GRIK1: variants seen among roughly 807,000 people sequenced by gnomAD.
GRIK1 encodes the protein glutamate receptor ionotropic, kainate 1.
GRIK1 carries 69 observed loss-of-function variants against 105.7 expected under a neutral mutation model. The ratio of observed to expected loss-of-function variants is 0.65; its 90% CI spans 0.54 to 0.80. The LOEUF (loss-of-function observed/expected upper bound fraction) is 0.80. Ranked by LOEUF, GRIK1 falls within the 30% of genes least tolerant of loss-of-function variation. The probability of loss-of-function intolerance (pLI) is 0.00; values close to 1 mark genes in which losing one functional copy is unlikely to be tolerated. For synonymous variants in GRIK1, 438 were observed against 431.3 expected, an observed-to-expected ratio of 1.02 and a Z score of -0.19; for missense variants, 1,109 against 1,167.3, an observed-to-expected ratio of 0.95 and a Z score of 0.73.
At position 29,544,994 on chromosome 21, in the gene GRIK1, C is replaced by T. The variant is rs140116998; in HGVS notation, c.2608-7110G>A. Among the ~76,000 whole-genome samples the T allele has an allele frequency of 2.6e-3, 403 of 152,354 alleles. 3 individuals carry two copies. The highest frequency in any genetic ancestry group is 0.021 in the East Asian group (111 of 5,182). On this transcript the variant is annotated intron_variant, in intron 16 of 17. Coordinates refer to ENST00000327783, the MANE Select transcript of GRIK1 (RefSeq NM_001330994.2). Reference sequence around the variant, plus strand: ...ACCATAGCCCAGTCTCTGTCTCAGGCATTCAGAAGAGGCAGTTAATGGAGC... The same window carrying T: ...ACCATAGCCCAGTCTCTGTCTCAGGTATTCAGAAGAGGCAGTTAATGGAGC...
At chr21:29,879,479 G>T (rs112661152) in intron 1 of GRIK1, among the ~76,000 whole-genome samples, 101 of 152,088 alleles carry the variant, frequency 6.6e-4, no homozygotes, top group African/African-American at 2.0e-3. Context: ...TAGATAGCTA[G>T]GTATGCATTT....
At chr21:29,730,036 A>T (rs1177823795) in intron 1 of GRIK1, among the ~76,000 whole-genome samples, 1 of 152,292 alleles carries the variant, frequency 6.6e-6, no homozygotes, top group East Asian at 1.9e-4. Context: ...ACATTTTCCC[A>T]ATGGTTTTAT....
rs1319234368 is a variant in GRIK1, at chr21:29,882,823, CA to C, written c.118+56559del. Among the ~76,000 whole-genome samples, 3 of 152,074 alleles carry C rather than the reference CA, an allele frequency of 2.0e-5. No individual in the cohort carries two copies. The East Asian group carries it at 5.8e-4, about 29-fold the overall frequency. On this transcript the variant is annotated intron_variant, in intron 1 of 17. Coordinates refer to ENST00000327783, the MANE Select transcript of GRIK1 (RefSeq NM_001330994.2). ...GTTTATCCTTTAAGTCTTAACTGAA[CA>C]TTGGCCTCCTCCATGAAGCATTCTC...
chr21:29,838,255 A>T (rs1167165333), intron 1 of GRIK1, among the ~76,000 whole-genome samples: 1 of 152,152 alleles, frequency 6.6e-6, no homozygotes, highest in African/African-American at 2.4e-5. Context: ...GTTCTAACCA[A>T]CTGGGGGCTG....
intron 1 of GRIK1, among the ~76,000 whole-genome samples, chr21:29,911,207 C>T (rs562552166): frequency 3.3e-5 from 5 of 152,004 alleles, no homozygotes; most frequent in African/African-American, 1.2e-4. Flanking sequence ...TGCCCAAATT[C>T]AAAAAGAGAG....
chr21:29,806,115 A>G (rs2066857728), intron 1 of GRIK1, among the ~76,000 whole-genome samples: 1 of 152,198 alleles, frequency 6.6e-6, no homozygotes, highest in Admixed American at 6.6e-5. Context: ...CATTTATTTT[A>G]TAAGGTATCC....
At chr21:29,850,783 A>G (rs2068279683) in intron 1 of GRIK1, among the ~76,000 whole-genome samples, 1 of 152,188 alleles carries the variant, frequency 6.6e-6, no homozygotes, top group Non-Finnish European at 1.5e-5. Context: ...TTGAAGTAAG[A>G]ATCTTCAGTA....
intron 4 of GRIK1, among the ~76,000 whole-genome samples, chr21:29,668,615 T>C (rs1048335623): frequency 6.6e-6 from 1 of 152,206 alleles, no homozygotes; most frequent in Non-Finnish European, 1.5e-5. Context: ...CAATTTTCAA[T>C]TGCAAAAGAG....
At chr21:29,790,098 G>C (rs1308488362) in intron 1 of GRIK1, among the ~76,000 whole-genome samples, 1 of 151,014 alleles carries the variant, frequency 6.6e-6, no homozygotes, top group Non-Finnish European at 1.5e-5. Flanking sequence ...TCACCAGACT[G>C]GAGGGCAGTG....
chr21:29,696,559 T>C (rs1265697208), intron 1 of GRIK1, among the ~76,000 whole-genome samples: 1 of 152,204 alleles, frequency 6.6e-6, no homozygotes, highest in African/African-American at 2.4e-5. Context: ...TGGACATAAG[T>C]CCGTCTTACT....
intron 1 of GRIK1, among the ~76,000 whole-genome samples, chr21:29,745,527 AC>A (rs2065028933): frequency 2.0e-5 from 3 of 152,246 alleles, no homozygotes; most frequent in Non-Finnish European, 4.4e-5. Flanking sequence ...CAACTAATAC[AC>A]TTGACTTAGA....
chr21:29,647,137 C>T (rs2062637569), intron 6 of GRIK1, among the ~76,000 whole-genome samples: 1 of 152,156 alleles, frequency 6.6e-6, no homozygotes, highest in South Asian at 2.1e-4. Context: ...AGCCACCGTG[C>T]CCAGCCTCTT....
chr21:29,931,863 G>C (rs1321444799), intron 1 of GRIK1, among the ~76,000 whole-genome samples: 2 of 151,994 alleles, frequency 1.3e-5, no homozygotes, highest in African/African-American at 4.8e-5. Context: ...TGTGCTCTTT[G>C]ACTCGTTTGG....
chr21:29,547,240 G>A (rs1341514437), intron 16 of GRIK1, among the ~76,000 whole-genome samples: 1 of 152,172 alleles, frequency 6.6e-6, no homozygotes, highest in African/African-American at 2.4e-5. Context: ...TTGATGTCAT[G>A]ATGGCTAGTG....
chr21:29,615,662 A>G (rs1323106517), intron 7 of GRIK1, among the ~76,000 whole-genome samples: 1 of 152,248 alleles, frequency 6.6e-6, no homozygotes, highest in Non-Finnish European at 1.5e-5. Context: ...ATAGCTAATT[A>G]AGCTGAATTC....
At chr21:29,797,052 CA>C (rs2066578325) in intron 1 of GRIK1, among the ~76,000 whole-genome samples, 1 of 151,994 alleles carries the variant, frequency 6.6e-6, no homozygotes, top group African/African-American at 2.4e-5. Context: ...TTTAAATAGC[CA>C]TAGCAGAAGG....
At chr21:29,608,703 T>G (rs1260695542) in intron 7 of GRIK1, among the ~76,000 whole-genome samples, 1 of 152,174 alleles carries the variant, frequency 6.6e-6, no homozygotes. Flanking sequence ...AAGGTTTTGC[T>G]ATAAACTACA....
intron 1 of GRIK1, among the ~76,000 whole-genome samples, chr21:29,721,000 C>G (rs1202628126): frequency 6.6e-6 from 1 of 152,140 alleles, no homozygotes; most frequent in African/African-American, 2.4e-5. Flanking sequence ...CACTCCCAGA[C>G]AGACTTTGTC....
intron 1 of GRIK1, among the ~76,000 whole-genome samples, chr21:29,929,712 T>C (rs766509541): frequency 2.0e-5 from 3 of 152,198 alleles, no homozygotes; most frequent in Non-Finnish European, 4.4e-5. Context: ...TTACATGCTG[T>C]TGGCAGGAAT....
Sources: allele counts gnomAD v4.1 joint callset (sites outside exome capture counted in the v4.1 genomes callset), GRCh38; gene constraint gnomAD v4.1.1; transcripts MANE v1.5; gene names NCBI Gene and HGNC (gene_info 2026-07-23, HGNC 2026-07-21).